TDRD12: variants seen among roughly 807,000 people sequenced by gnomAD.
TDRD12 encodes tudor domain containing 12.
In TDRD12, 158 loss-of-function variants were observed where a neutral mutation model predicts 133.5. The observed-to-expected ratio is 1.18, with a 90% CI of 1.04 to 1.35. TDRD12 has a LOEUF of 1.35. Ranked by LOEUF, TDRD12 falls within the 40% of genes most tolerant of loss-of-function variation. TDRD12 has a pLI of 0.00. For synonymous variants in TDRD12, 460 were observed against 477.9 expected (o/e 0.96, Z 0.49); for missense variants, 1,443 against 1,321.3 (o/e 1.09, Z -1.43).
chr19:32,809,999 G>C (rs1022114141), intron 22 of TDRD12, 94 bp from the exon 23 acceptor site: 2 of 790,116 alleles, frequency 2.5e-6, no homozygotes, highest in African/African-American at 3.6e-5. Context: ...TGGTTTCTTA[G>C]GTTGGGTACT....
At chr19:32,800,648 T>A in exon 18 of TDRD12, 1 of 1,534,948 alleles carries the variant, frequency 6.5e-7, no homozygotes. Flanking sequence ...TACCAGGTAG[T>A]ACATCTTTGC....
downstream of TDRD12, chr19:32,825,982 A>G (rs1308313179): frequency 2.9e-6 from 2 of 680,270 alleles, no homozygotes; most frequent in Non-Finnish European, 4.8e-6. This position sits in a 1 kb window ranked among gnomAD's most constrained non-coding sequence, Gnocchi z 4.1. Context: ...TTACACTTTT[A>G]TGTGATTCCT....
At chr19:32,814,602 T>C (rs1055671291) in intron 25 of TDRD12, among the ~76,000 whole-genome samples, 1 of 152,138 alleles carries the variant, frequency 6.6e-6, no homozygotes, top group Non-Finnish European at 1.5e-5. Flanking sequence ...TTGTTTCTTG[T>C]TGGGGGGAGA....
intron 11 of TDRD12, 112 bp downstream of exon 11, chr19:32,777,341 A>C (rs575746523): frequency 1.4e-6 from 1 of 726,580 alleles, no homozygotes; most frequent in Non-Finnish European, 2.1e-6. Flanking sequence ...TTCCCATCAA[A>C]AAATAAATGT....
intron 26 of TDRD12, 143 bp from the exon 27 acceptor site, chr19:32,817,946 G>C (rs1311669441): frequency 7.6e-6 from 5 of 656,100 alleles, no homozygotes; most frequent in African/African-American, 5.7e-5. Context: ...GGGCCTGGTA[G>C]CTTTAGAAGC....
rs375161997 is a variant in TDRD12 at position 32,777,128 on chromosome 19, AT to A, written c.1041-10del. Reference sequence around the variant, plus strand: ...GGCTGCTGTTCACAAATTTTAATGAATTTTTTTTTTTCATTTCTAGTGCTTT... The same window carrying A: ...GGCTGCTGTTCACAAATTTTAATGAATTTTTTTTTTCATTTCTAGTGCTTT... On this transcript the variant is annotated intron_variant, in intron 10 of 27. Transcript: ENST00000444215. The A allele has an allele frequency of 7.7e-3, 9,050 of 1,182,828 alleles. 3 individuals carry two copies. Among genetic ancestry groups the A allele is most frequent in the East Asian group, 0.019 (565 of 30,534 alleles). The allele number at this position is 1,182,828 out of a possible 1,614,324, so 73.3% of individuals were successfully genotyped here. A position where few individuals can be genotyped will look rare whatever the true frequency, so the allele number is the denominator to read the frequency against.
In TDRD12 at chr19:32,801,748, A is replaced by G; in HGVS notation, c.2080-8A>G. 2.5e-6 allele frequency: 3 copies of G among 1,187,646 alleles called. No individual in the cohort carries two copies. The South Asian group carries it at 4.5e-5, about 18-fold the overall frequency. 73.6% of individuals were successfully genotyped at this position (1,187,646 alleles called of 1,614,324 possible). A position where few individuals can be genotyped will look rare whatever the true frequency, so the allele number is the denominator to read the frequency against. ...ACTGTGACCTGGCCTCTTTGATTTC[A>G]TCTTTAGGTAGTAGAAAGCAGTTCA... On this transcript the variant is annotated splice_region_variant and splice_polypyrimidine_tract_variant and intron_variant, in intron 18 of 27. Transcript: ENST00000444215.
At chr19:32,719,883 C>T (rs1489280080) in exon 1 of TDRD12, 2 of 662,510 alleles carry the variant, frequency 3.0e-6, no homozygotes, top group Admixed American at 2.6e-5. Flanking sequence ...CGAGCCGACC[C>T]CGGGGTCCGC....
chr19:32,737,199 A>G (rs1278647066), intron 2 of TDRD12, among the ~76,000 whole-genome samples: 4 of 152,188 alleles, frequency 2.6e-5, no homozygotes, highest in Admixed American at 6.5e-5. Context: ...TCAGCCATCA[A>G]ACAGGCAGTT....
rs551029030 is a variant in TDRD12, at chr19:32,810,548, A to G, written c.2837+271A>G. On this transcript the variant is annotated intron_variant, in intron 23 of 27. Coordinates refer to ENST00000444215, the Ensembl canonical transcript of TDRD12. ...CTTAATTCTTGCCAAGTTCCTATCA[A>G]GTGGGCATCATTCCCATTCTACAGA... Among the ~76,000 whole-genome samples the G allele has an allele frequency of 1.8e-3, 271 of 152,344 alleles. 2 individuals are homozygous for G. The highest frequency in any genetic ancestry group is 5.9e-3 in the African/African-American group (245 of 41,572).
At chr19:32,779,382 C>T (rs1010904152) in intron 11 of TDRD12, among the ~76,000 whole-genome samples, 19 of 152,172 alleles carry the variant, frequency 1.2e-4, no homozygotes, top group Admixed American at 6.5e-5. Context: ...TCTTTCTCCT[C>T]GGGCCTGTTC....
In TDRD12 at chr19:32,802,797, G is replaced by A; in HGVS notation, c.2331+8G>A. On this transcript the variant is annotated splice_region_variant and intron_variant, in intron 20 of 27. Transcript: ENST00000444215. ...CATTTTCACGCTGAACAGGTTTGGT[G>A]AATTTTTATTCTCTTCCATATTCCA... 6.5e-7 allele frequency: 1 copy of A among 1,536,634 alleles called. No individual in the cohort carries two copies. Among genetic ancestry groups the A allele is most frequent in the Non-Finnish European group, 8.7e-7 (1 of 1,146,994 alleles).
chr19:32,817,207 C>T (rs1452179565), intron 26 of TDRD12, among the ~76,000 whole-genome samples: 1 of 152,156 alleles, frequency 6.6e-6, no homozygotes. Context: ...CAGTGTTGTG[C>T]AACCATCATC....
chr19:32,776,381 G>A (rs1470051669), intron 10 of TDRD12, among the ~76,000 whole-genome samples: 1 of 152,224 alleles, frequency 6.6e-6, no homozygotes, highest in Non-Finnish European at 1.5e-5. Context: ...TGCTGTTGCT[G>A]TTGCTGGGTG....
chr19:32,794,762 G>C, exon 14 of TDRD12: 1 of 703,434 alleles, frequency 1.4e-6, no homozygotes, highest in Non-Finnish European at 2.6e-6. Flanking sequence ...TACCAGTGTT[G>C]ACAGTTTTGC....
chr19:32,733,984 C>T (rs1279308472), intron 2 of TDRD12, among the ~76,000 whole-genome samples: 3 of 151,808 alleles, frequency 2.0e-5, no homozygotes, highest in East Asian at 1.9e-4. Flanking sequence ...CCCCACCTCC[C>T]GGGTTCACGC....
At chr19:32,751,873 T>A (rs911193820) in intron 6 of TDRD12, among the ~76,000 whole-genome samples, 1 of 151,848 alleles carries the variant, frequency 6.6e-6, no homozygotes, top group African/African-American at 2.4e-5. Context: ...ATTTTTATTA[T>A]TTATTTATTT....
chr19:32,729,195 G>T (rs7254089), intron 1 of TDRD12, among the ~76,000 whole-genome samples: 1 of 140,962 alleles, frequency 7.1e-6, no homozygotes, highest in Admixed American at 7.3e-5. Context: ...TCTGGTGACT[G>T]CTTTTTCTTT....
chr19:32,783,038 C>T (rs1440769409), intron 11 of TDRD12, among the ~76,000 whole-genome samples: 1 of 152,048 alleles, frequency 6.6e-6, no homozygotes, highest in Non-Finnish European at 1.5e-5. Context: ...AGTCTTTGCC[C>T]ATGCTTGTGT....
Sources: allele counts gnomAD v4.1 joint callset (sites outside exome capture counted in the v4.1 genomes callset), GRCh38; gene constraint gnomAD v4.1.1; non-coding constraint Gnocchi (gnomAD v3.1); transcripts MANE v1.5; gene names NCBI Gene and HGNC (gene_info 2026-07-23, HGNC 2026-07-21).